Variants in TRIM28 observed in about 807,000 individuals in gnomAD.
The protein encoded by TRIM28 is transcription intermediary factor 1-beta.
A neutral mutation model predicts 87.4 loss-of-function variants in TRIM28; 8 were observed. The observed-to-expected ratio is 0.09, with a 90% CI of 0.05 to 0.17. The LOEUF is 0.17. Among genes scored for constraint, TRIM28 ranks in the 10% least tolerant of loss-of-function variants. TRIM28 has a pLI of 1.00. For synonymous variants in TRIM28, 601 were observed against 454.3 expected (o/e 1.32, Z -4.11); for missense variants, 968 against 1,131.8 (o/e 0.86, Z 2.08).
chr19:58,550,099 C>T, intron 15 of TRIM28, 48 bp from the exon 16 acceptor site: 2 of 1,613,310 alleles, frequency 1.2e-6, no homozygotes, highest in Non-Finnish European at 1.7e-6. Context: ...TCAACCTGTG[C>T]ATGTATATGT....
In TRIM28 at chr19:58,549,529, C is replaced by A. The variant is rs755084672; in HGVS notation, c.1861C>A (p.Leu621Met). The A allele has an allele frequency of 6.2e-7, 1 of 1,614,076 alleles. No individual in the cohort carries two copies. The highest frequency in any genetic ancestry group is 8.5e-7 in the Non-Finnish European group (1 of 1,180,012). Residue 621 changes from leucine (L) to methionine (M), a missense_variant, in exon 13 of 17, where the codon CTG (leucine) becomes ATG (methionine). Around this residue, in one of 11 missense-constraint regions of TRIM28, gnomAD observed 164 missense variants for 146.2 expected, o/e 1.12. Coordinates refer to ENST00000253024, the MANE Select transcript of TRIM28 (RefSeq NM_005762.3). The surrounding 1 kb of genome is among the most constrained non-coding windows in gnomAD (Gnocchi z 4.4). ...TSAPGGGPGT[L>M]DDSATICRVC... Reference sequence around the variant, plus strand: ...AGCCCCAGGTGGTGGCCCGGGAACCCTGGATGACAGTGCCACCATTTGCCG... The same window carrying A: ...AGCCCCAGGTGGTGGCCCGGGAACCATGGATGACAGTGCCACCATTTGCCG...
At chr19:58,548,452 T>A (rs1403463550) in intron 8 of TRIM28, 34 bp from the exon 9 acceptor site, 2 of 1,613,908 alleles carry the variant, frequency 1.2e-6, no homozygotes, top group South Asian at 2.2e-5. Flanking sequence ...CCCCACGTGC[T>A]GCACCTACTT....
Position 58,545,900 on chromosome 19 carries a change from C to A in TRIM28, c.586+4C>A, listed in dbSNP as rs374982857. The A allele has an allele frequency of 8.8e-6, 14 of 1,584,428 alleles. No individual in the cohort carries two copies. The African/African-American group carries it at 1.7e-4, about 20-fold the overall frequency. ...GACCATACTGTGCGCTCTACTGGTA[C>A]ATGAGGCTGAGGGGGGCTGTTGGAG... On this transcript the variant is annotated splice_donor_region_variant and intron_variant, in intron 3 of 16. Transcript: ENST00000253024.
intron 3 of TRIM28, among the ~76,000 whole-genome samples, chr19:58,546,974 A>G (rs1389811041): frequency 6.7e-6 from 1 of 150,050 alleles, no homozygotes; most frequent in East Asian, 2.0e-4. Flanking sequence ...CCATGAAAGG[A>G]GAAGAAAAGG....
rs775848598 is a variant in TRIM28 at position 58,549,407 on chromosome 19, C to T, written c.1739C>T (p.Ala580Val). ...EGPETKPVLMALAEGPGAEGP... is the reference protein window; with the variant it reads ...EGPETKPVLMVLAEGPGAEGP... Reference sequence around the variant, plus strand: ...CCTGAGACCAAACCTGTGCTTATGGCTCTTGCGGAGGGTCCTGGTGCTGAG... The same window carrying T: ...CCTGAGACCAAACCTGTGCTTATGGTTCTTGCGGAGGGTCCTGGTGCTGAG... Residue 580 changes from alanine (A) to valine (V), a missense_variant, in exon 13 of 17, where the codon GCT becomes GTT. Ala to Val is a moderately conservative substitution (Grantham distance 64). This residue lies in a region of TRIM28 where 164 missense variants were observed against 146.2 expected (regional missense o/e 1.12). Transcript: ENST00000253024. The surrounding 1 kb of genome is among the most constrained non-coding windows in gnomAD (Gnocchi z 4.4). 6.3e-7 allele frequency: 1 copy of T among 1,596,444 alleles called. No individual in the cohort carries two copies. Among genetic ancestry groups the T allele is most frequent in the Non-Finnish European group, 8.6e-7 (1 of 1,167,944 alleles).
rs1029592186 is a variant in TRIM28, at chr19:58,550,641, C to A, written c.*88C>A. 3.0e-6 allele frequency: 4 copies of A among 1,315,094 alleles called. No homozygotes were observed. The Admixed American group carries it at 7.3e-5, about 24-fold the overall frequency. 81.5% of individuals were successfully genotyped at this position (1,315,094 alleles called of 1,614,324 possible). ...CTCCCCTGGTGGCCTGACTCCCACT[C>A]CCTGGTGGCCCCATCCCCCAGTTCC... On this transcript the variant is annotated 3_prime_UTR_variant, in exon 17 of 17. Transcript: ENST00000253024.
rs777538129 is a variant in TRIM28, at chr19:58,548,561, C to T, written c.1292C>T (p.Pro431Leu). The T allele has an allele frequency of 5.6e-6, 9 of 1,613,666 alleles. No individual in the cohort carries two copies. In the East Asian group the frequency reaches 1.6e-4, roughly 28 times the overall value. ...ATGGCCCCTCCAAGAGCCCCAGGGCCCCTGAGCAAGCAGGGCTCTGGCAGC... is the reference window on the plus strand; with the variant it reads ...ATGGCCCCTCCAAGAGCCCCAGGGCTCCTGAGCAAGCAGGGCTCTGGCAGC... ...APMAPPRAPGPLSKQGSGSSQ... is the reference protein window; with the variant it reads ...APMAPPRAPGLLSKQGSGSSQ... The change falls in exon 9 of 17, where the codon CCC becomes CTC. Residue 431 changes from proline (P) to leucine (L), a missense_variant. Around this residue, in one of 11 missense-constraint regions of TRIM28, gnomAD observed 119 missense variants for 93.6 expected, o/e 1.27. Transcript: ENST00000253024.
At chr19:58,547,190 A>C in intron 3 of TRIM28, 186 bp from the exon 4 acceptor site, 1 of 602,822 alleles carries the variant, frequency 1.7e-6, no homozygotes, top group Non-Finnish European at 2.9e-6. Context: ...ATGTTGGGGC[A>C]GAGGATTCTG....
intron 16 of TRIM28, 24 bp from the exon 17 acceptor site, chr19:58,550,353 C>T (rs1461668628): frequency 2.5e-6 from 4 of 1,612,808 alleles, no homozygotes; most frequent in Non-Finnish European, 3.4e-6. Flanking sequence ...ACCCATTCAT[C>T]CACTGCATTC....
chr19:58,548,649 G>A, intron 9 of TRIM28, 57 bp downstream of exon 9: 1 of 1,406,044 alleles, frequency 7.1e-7, no homozygotes, highest in South Asian at 1.1e-5. Flanking sequence ...CCAGTAGCAG[G>A]AGAGAGGACC....
Position 58,550,132 on chromosome 19 carries a change from G to T in TRIM28, c.2194-15G>T. 1 of 1,613,756 alleles carries T rather than the reference G, an allele frequency of 6.2e-7. No individual in the cohort carries two copies. The highest frequency in any genetic ancestry group is 8.5e-7 in the Non-Finnish European group (1 of 1,179,970). ...TGTGTGTCTTTGTGTGTGTATGTGT[G>T]ATCTCTGCCTGCAGGACCAGCCCGG... On this transcript the variant is annotated splice_polypyrimidine_tract_variant and intron_variant, in intron 15 of 16. Transcript: ENST00000253024.
chr19:58,548,931 G>A, intron 11 of TRIM28, 21 bp downstream of exon 11: 1 of 1,614,074 alleles, frequency 6.2e-7, no homozygotes. Context: ...CACCTCCCCT[G>A]GGGGTGAGGT....
chr19:58,544,648 CGCG>C lies in TRIM28; in HGVS notation c.-95_-93del, dbSNP rs575792912. 527 of 366,718 alleles carry C rather than the reference CGCG, an allele frequency of 1.4e-3. No homozygotes were observed. Among genetic ancestry groups the C allele is most frequent in the Non-Finnish European group, 1.8e-3 (478 of 266,596 alleles). 22.7% of individuals were successfully genotyped at this position (366,718 alleles called of 1,614,324 possible). A position where few individuals can be genotyped will look rare whatever the true frequency, so the allele number is the denominator to read the frequency against. On this transcript the variant is annotated 5_prime_UTR_variant, in exon 1 of 17. Coordinates refer to ENST00000253024, the MANE Select transcript of TRIM28 (RefSeq NM_005762.3). The stretch of plus-strand genomic sequence containing the variant: ...GGAGGCGCGTGGCGGCGCTCGGCCT[CGCG>C]GCGGCGGCGGCGGCAGCGGCCCAGC...
rs963618624 is a variant in TRIM28, at chr19:58,544,178, G to A, written c.-580G>A. 6.6e-6 allele frequency: 1 copy of A among 152,376 alleles called. No individual in the cohort carries two copies. Among genetic ancestry groups the A allele is most frequent in the African/African-American group, 2.4e-5 (1 of 41,478 alleles). The allele number at this position is 152,376 out of a possible 1,614,324, so 9.4% of individuals were successfully genotyped here. A position where few individuals can be genotyped will look rare whatever the true frequency, so the allele number is the denominator to read the frequency against. ...GCGGCCCGCTTCTGTGTGGTCTGGA[G>A]GTGGAGCTGAGAGGGGAATCACACT... On this transcript the variant is annotated 5_prime_UTR_variant, in exon 1 of 17. Coordinates refer to ENST00000253024, the MANE Select transcript of TRIM28 (RefSeq NM_005762.3).
In TRIM28 at chr19:58,549,783, G is replaced by A. The variant is rs757889716; in HGVS notation, c.2029G>A (p.Glu677Lys). The A allele has an allele frequency of 6.2e-7, 1 of 1,612,628 alleles. No homozygotes were observed. The highest frequency in any genetic ancestry group is 1.7e-5 in the Admixed American group (1 of 59,976). Reference protein sequence around the residue: ...SLCHVLPDLKEEDGSLSLDGA... With the variant: ...SLCHVLPDLKKEDGSLSLDGA... The stretch of plus-strand genomic sequence containing the variant: ...CTGCCATGTGCTCCCTGACCTGAAG[G>A]AGGAGGATGGCAGCCTCAGCCTGGA... The change falls in exon 14 of 17, where the codon GAG becomes AAG. Residue 677 changes from glutamate to lysine, a missense_variant. Transcript: ENST00000253024. The surrounding 1 kb of genome is among the most constrained non-coding windows in gnomAD (Gnocchi z 4.4).
At chr19:58,547,971 G>A in intron 6 of TRIM28, 63 bp from the exon 7 acceptor site, 1 of 1,613,264 alleles carries the variant, frequency 6.2e-7, no homozygotes, top group Non-Finnish European at 8.5e-7. Context: ...GCTGTCTGGG[G>A]TGAGGAGTGA....
rs1268949280 is a variant in TRIM28 at position 58,549,910 on chromosome 19, T to G, written c.2107-39T>G. 46 of 1,613,850 alleles carry G rather than the reference T, an allele frequency of 2.9e-5. No homozygotes were observed. The highest frequency in any genetic ancestry group is 3.9e-5 in the Non-Finnish European group (46 of 1,179,964). ...GGGTTGCCCAGAGAGGCTTTATAGG[T>G]GCTGCCCAGAGCTGTGACATCCCTT... On this transcript the variant is annotated intron_variant, in intron 14 of 16. Coordinates refer to ENST00000253024, the MANE Select transcript of TRIM28 (RefSeq NM_005762.3). The surrounding 1 kb of genome is among the most constrained non-coding windows in gnomAD (Gnocchi z 4.4).
rs759330992 is a variant in TRIM28, at chr19:58,548,586, C to T, written c.1317C>T (p.Ser439=). Residue 439 remains serine, a synonymous_variant, in exon 9 of 17, where the codon AGC becomes AGT. Transcript: ENST00000253024. ...PGPLSKQGSG[S]SQPMEVQEGY... is the part of the protein sequence containing the mutation. Reference sequence around the variant, plus strand: ...CCCTGAGCAAGCAGGGCTCTGGCAGCAGCCAGGTGAGCAGGAGAGAGGACC... The same window carrying T: ...CCCTGAGCAAGCAGGGCTCTGGCAGTAGCCAGGTGAGCAGGAGAGAGGACC... 50 of 1,612,260 alleles carry T rather than the reference C, an allele frequency of 3.1e-5. No individual in the cohort carries two copies. The highest frequency in any genetic ancestry group is 1.7e-4 in the Middle Eastern group (1 of 6,046).
In TRIM28 at chr19:58,550,556, C is replaced by A; in HGVS notation, c.*3C>A. The A allele has an allele frequency of 6.2e-6, 10 of 1,603,992 alleles. No individual in the cohort carries two copies. The highest frequency in any genetic ancestry group is 8.5e-6 in the Non-Finnish European group (10 of 1,179,160). On this transcript the variant is annotated 3_prime_UTR_variant, in exon 17 of 17. Coordinates refer to ENST00000253024, the MANE Select transcript of TRIM28 (RefSeq NM_005762.3). ...GTGGCCCTGGTGATGGCCCCTGAGG[C>A]TGGAGCCCCCATGGCCAGCCCAGCC...
Sources: gnomAD v4.1 joint callset for allele counts (sites outside exome capture counted in the v4.1 genomes callset) on GRCh38, gnomAD v4.1.1 for gene constraint, gnomAD v4.1.1 regional missense constraint, Gnocchi (gnomAD v3.1) non-coding constraint, MANE v1.5 for transcripts, NCBI Gene and HGNC (gene_info 2026-07-23, HGNC 2026-07-21) for gene names.